The following PSTPIP2 variants were observed in gnomAD, a reference collection of about 807,000 sequenced individuals.
PSTPIP2 encodes the protein proline-serine-threonine phosphatase interacting protein 2.
Under a neutral mutation model 63.3 loss-of-function variants are expected in PSTPIP2, and 33 were observed. The ratio of observed to expected loss-of-function variants is 0.52; its 90% confidence interval spans 0.40 to 0.70. The LOEUF (loss-of-function observed/expected upper bound fraction) is 0.70. Among genes scored for constraint, PSTPIP2 ranks in the 30% least tolerant of loss-of-function variants. The pLI is 0.00. For missense variants in PSTPIP2, 312 were observed against 400.7 expected (o/e 0.78, Z 1.89); for synonymous variants, 125 against 132.7 (o/e 0.94, Z 0.40).
At chr18:46,047,209 C>T (rs567324056) in intron 1 of PSTPIP2, among the ~76,000 whole-genome samples, 9 of 152,280 alleles carry the variant, frequency 5.9e-5, no homozygotes, top group Middle Eastern at 3.4e-3. Context: ...TTCCTGTTTA[C>T]TTACCACTCT....
Position 45,984,162 on chromosome 18 carries a change from A to C in PSTPIP2, c.*1297T>G, listed in dbSNP as rs1484306754. The C allele has an allele frequency of 6.6e-6, 1 of 152,162 alleles. No individual in the cohort carries two copies. The highest frequency in any genetic ancestry group is 2.4e-5 in the African/African-American group (1 of 41,432). 9.4% of individuals were successfully genotyped at this position (152,162 alleles called of 1,614,324 possible). A position where few individuals can be genotyped will look rare whatever the true frequency, so the allele number is the denominator to read the frequency against. On this transcript the variant is annotated 3_prime_UTR_variant, in exon 15 of 15. Coordinates refer to ENST00000409746, the MANE Select transcript of PSTPIP2 (RefSeq NM_024430.4). ...GACTCTGTCTCAAAAAAAAGAAAAAAAGATGAGGAAATAATCAATCTTCTT... is the reference window on the plus strand; with the variant it reads ...GACTCTGTCTCAAAAAAAAGAAAAACAGATGAGGAAATAATCAATCTTCTT...
intron 2 of PSTPIP2, among the ~76,000 whole-genome samples, chr18:46,027,753 A>T (rs1047455139): frequency 1.3e-5 from 2 of 152,212 alleles, no homozygotes; most frequent in African/African-American, 4.8e-5. Context: ...CACAGAAGAA[A>T]AAAAACTGAA....
chr18:46,069,464 G>T (rs919304833), intron 1 of PSTPIP2, among the ~76,000 whole-genome samples: 1 of 152,160 alleles, frequency 6.6e-6, no homozygotes, highest in Non-Finnish European at 1.5e-5. Flanking sequence ...CAAATTCATT[G>T]GGGGCCAATC....
Position 46,072,197 on chromosome 18 carries a change from G to C in PSTPIP2, c.-9C>G, listed in dbSNP as rs987060703. On this transcript the variant is annotated 5_prime_UTR_variant, in exon 1 of 15. Coordinates refer to ENST00000409746, the MANE Select transcript of PSTPIP2 (RefSeq NM_024430.4). The stretch of plus-strand genomic sequence containing the variant: ...AACAGTGAGCGCGTCATCGCAGCGC[G>C]AGTGGGGGCGCGGAGGAGAGCCGGG... The C allele has an allele frequency of 2.6e-6, 4 of 1,534,976 alleles. No individual in the cohort carries two copies. Among genetic ancestry groups the C allele is most frequent in the African/African-American group, 1.4e-5 (1 of 70,906 alleles).
At chr18:46,067,120 G>A (rs964170462) in intron 1 of PSTPIP2, among the ~76,000 whole-genome samples, 1 of 151,880 alleles carries the variant, frequency 6.6e-6, no homozygotes, top group African/African-American at 2.4e-5. Flanking sequence ...GCAGGTAATT[G>A]TTCATGACTC....
intron 1 of PSTPIP2, among the ~76,000 whole-genome samples, chr18:46,070,274 A>G (rs1033708545): frequency 6.6e-6 from 1 of 152,170 alleles, no homozygotes; most frequent in African/African-American, 2.4e-5. Context: ...ATTAGAGAGT[A>G]CTCACTGACA....
intron 5 of PSTPIP2, among the ~76,000 whole-genome samples, chr18:46,009,784 C>G (rs907172617): frequency 6.6e-6 from 1 of 152,178 alleles, no homozygotes; most frequent in Non-Finnish European, 1.5e-5. Flanking sequence ...CTCTGGTTGT[C>G]TAAGGCATTT....
intron 3 of PSTPIP2, among the ~76,000 whole-genome samples, chr18:46,021,788 A>G (rs563455322): frequency 6.6e-6 from 1 of 150,524 alleles, no homozygotes; most frequent in Non-Finnish European, 1.5e-5. Flanking sequence ...TCTACTAAAA[A>G]TACAAAAAAT....
intron 9 of PSTPIP2, among the ~76,000 whole-genome samples, chr18:45,994,423 G>A (rs2051571312): frequency 6.6e-6 from 1 of 152,016 alleles, no homozygotes; most frequent in African/African-American, 2.4e-5. Flanking sequence ...AAAAGGATGG[G>A]GACAGGTATA....
At chr18:46,060,749 G>A (rs562183325) in intron 1 of PSTPIP2, among the ~76,000 whole-genome samples, 2 of 152,324 alleles carry the variant, frequency 1.3e-5, no homozygotes, top group Non-Finnish European at 1.5e-5. Flanking sequence ...GCTCCGCCCA[G>A]AGGACTGGTT....
At chr18:46,003,979 T>G (rs1402198656) in intron 6 of PSTPIP2, among the ~76,000 whole-genome samples, 1 of 151,988 alleles carries the variant, frequency 6.6e-6, no homozygotes, top group Non-Finnish European at 1.5e-5. Context: ...TTGGCCAGGC[T>G]GGTCTCGAAC....
At chr18:45,985,472 A>T in intron 14 of PSTPIP2, 22 bp from the exon 15 acceptor site, 1 of 1,611,812 alleles carries the variant, frequency 6.2e-7, no homozygotes. Context: ...TAACAAAGAA[A>T]TTTCCTCTGA....
chr18:46,037,382 G>A (rs535466747), intron 2 of PSTPIP2, among the ~76,000 whole-genome samples: 1 of 152,232 alleles, frequency 6.6e-6, no homozygotes, highest in East Asian at 1.9e-4. Context: ...CTCGACCTCA[G>A]GTGATCTGCC....
chr18:46,046,664 G>A (rs1908395119), intron 1 of PSTPIP2, among the ~76,000 whole-genome samples: 1 of 152,230 alleles, frequency 6.6e-6, no homozygotes, highest in Admixed American at 6.5e-5. Context: ...GCAGGATGCA[G>A]GCCTGTGAAA....
intron 13 of PSTPIP2, chr18:45,989,748 G>A (rs760004398): frequency 6.6e-6 from 1 of 152,162 alleles, no homozygotes; most frequent in African/African-American, 2.4e-5. Context: ...GGGGAATGCA[G>A]CTACTCATAT....
At chr18:46,035,423 AAAAAAAAAAG>A (rs1430770408) in intron 2 of PSTPIP2, among the ~76,000 whole-genome samples, 1 of 38,584 alleles carries the variant, frequency 2.6e-5, no homozygotes, top group Non-Finnish European at 9.7e-5. Flanking sequence ...CTGTCTTAAA[AAAAAAAAAAG>A]AAAAGAGAGA....
chr18:46,028,201 G>C (rs1907653114), intron 2 of PSTPIP2: 1 of 355,688 alleles, frequency 2.8e-6, no homozygotes, highest in Admixed American at 4.4e-5. Context: ...GGTTTCACGC[G>C]AGCGCCTGCG....
At chr18:46,048,350 T>G (rs1681745997) in intron 1 of PSTPIP2, among the ~76,000 whole-genome samples, 1 of 152,216 alleles carries the variant, frequency 6.6e-6, no homozygotes, top group South Asian at 2.1e-4. Context: ...GACAACTCAA[T>G]TCTAGCCAAG....
intron 6 of PSTPIP2, among the ~76,000 whole-genome samples, chr18:46,004,774 G>A (rs192144460): frequency 5.7e-4 from 86 of 152,150 alleles, no homozygotes; most frequent in African/African-American, 2.0e-3. Context: ...GTATAAATTG[G>A]TTCAACCATT....
Sources: gnomAD v4.1 joint callset for allele counts (sites outside exome capture counted in the v4.1 genomes callset) on GRCh38, gnomAD v4.1.1 for gene constraint, MANE v1.5 for transcripts, NCBI Gene and HGNC (gene_info 2026-07-23, HGNC 2026-07-21) for gene names.